The following LRP1B variants were observed in gnomAD, a reference collection of about 807,000 sequenced individuals.
The protein encoded by LRP1B is low-density lipoprotein receptor-related protein 1B.
LRP1B carries 217 observed loss-of-function variants against 556.6 expected under a neutral mutation model. The observed-to-expected ratio is 0.39, with a 90% CI of 0.35 to 0.44. The LOEUF (loss-of-function observed/expected upper bound fraction) is 0.44. Among genes scored for constraint, LRP1B ranks in the 20% least tolerant of loss-of-function variants. The pLI, the probability that LRP1B is intolerant of heterozygous loss-of-function variation, is 1.00. For synonymous variants in LRP1B, 2,047 were observed against 1,865.8 expected (o/e 1.10, Z -2.50); for missense variants, 5,053 against 5,620.8 (o/e 0.90, Z 3.23).
At chr2:140,238,318 ATG>A (rs1680800653) in intron 88 of LRP1B, 22 bp from the exon 89 acceptor site, 6 of 1,320,780 alleles carry the variant, frequency 4.5e-6, no homozygotes, top group South Asian at 1.3e-5. Context: ...AAACATTAAT[ATG>A]TGTGAGTTTT....
At chr2:141,391,263 G>A (rs1233802283) in intron 3 of LRP1B, among the ~76,000 whole-genome samples, 5 of 152,102 alleles carry the variant, frequency 3.3e-5, no homozygotes, top group Non-Finnish European at 5.9e-5. Flanking sequence ...ACCTTCTACA[G>A]TGCCTTACTT....
At chr2:141,729,881 G>A (rs1042652851) in intron 2 of LRP1B, among the ~76,000 whole-genome samples, 6 of 152,050 alleles carry the variant, frequency 3.9e-5, no homozygotes, top group African/African-American at 9.7e-5. Flanking sequence ...CATGGGATCT[G>A]ATAGAGCAAG....
Position 140,536,589 on chromosome 2 carries a change from A to G in LRP1B, c.7634T>C (p.Leu2545Pro), listed in dbSNP as rs1679911169. Residue 2545 changes from leucine (L) to proline (P), a missense_variant, in exon 46 of 91, where the codon CTC becomes CCC. Coordinates refer to ENST00000389484, the MANE Select transcript of LRP1B (RefSeq NM_018557.3). ...HCKDKSDEKL[L>P]YCENRSCRRG... ...CCATATTGGACACTTACCACAGTAG[A>G]GCAGTTTTTCATCTGATTTATCTTT... The G allele has an allele frequency of 1.2e-6, 2 of 1,609,924 alleles. No individual in the cohort carries two copies. Among genetic ancestry groups the G allele is most frequent in the Non-Finnish European group, 1.7e-6 (2 of 1,178,448 alleles).
At chr2:141,488,666 G>T (rs1683207855) in intron 2 of LRP1B, among the ~76,000 whole-genome samples, 1 of 151,848 alleles carries the variant, frequency 6.6e-6, no homozygotes, top group Non-Finnish European at 1.5e-5. Context: ...TCACCATGTT[G>T]CCCAGGCTGG....
At chr2:141,666,091 C>A (rs1047431925) in intron 2 of LRP1B, among the ~76,000 whole-genome samples, 4 of 152,020 alleles carry the variant, frequency 2.6e-5, no homozygotes, top group African/African-American at 9.7e-5. Context: ...ATGTAACAAA[C>A]CTGCACATTC....
At chr2:140,776,991 A>G (rs1689522330) in intron 32 of LRP1B, among the ~76,000 whole-genome samples, 1 of 152,192 alleles carries the variant, frequency 6.6e-6, no homozygotes, top group East Asian at 1.9e-4. Context: ...TAAGTAACTT[A>G]ATCAAATTTA....
At chr2:141,972,878 T>C (rs1574548020) in intron 1 of LRP1B, among the ~76,000 whole-genome samples, 1 of 151,770 alleles carries the variant, frequency 6.6e-6, no homozygotes, top group East Asian at 1.9e-4. Context: ...ACAAGTTGTA[T>C]TTTTTTCTAA....
At chr2:140,866,342 C>T (rs1692950602) in intron 27 of LRP1B, among the ~76,000 whole-genome samples, 1 of 152,016 alleles carries the variant, frequency 6.6e-6, no homozygotes, top group Admixed American at 6.6e-5. Flanking sequence ...ATAATAACTT[C>T]TTGCCTTATT....
chr2:141,626,622 C>T (rs1361439681), intron 2 of LRP1B, among the ~76,000 whole-genome samples: 1 of 152,128 alleles, frequency 6.6e-6, no homozygotes, highest in Admixed American at 6.5e-5. Context: ...AGAAAATGAA[C>T]AACCTGATTC....
chr2:141,789,814 CAA>C (rs1469905091), intron 2 of LRP1B, among the ~76,000 whole-genome samples: 1 of 151,922 alleles, frequency 6.6e-6, no homozygotes, highest in African/African-American at 2.4e-5. Flanking sequence ...TAAATATTTT[CAA>C]AGTTATGCAG....
At chr2:141,629,055 G>T (rs1323251853) in intron 2 of LRP1B, among the ~76,000 whole-genome samples, 1 of 152,110 alleles carries the variant, frequency 6.6e-6, no homozygotes, top group African/African-American at 2.4e-5. Flanking sequence ...AATGTCCAAA[G>T]ATCACACTCC....
At chr2:141,083,610 G>A (rs1009144018) in intron 7 of LRP1B, among the ~76,000 whole-genome samples, 1 of 152,108 alleles carries the variant, frequency 6.6e-6, no homozygotes, top group Non-Finnish European at 1.5e-5. Flanking sequence ...AGAGGTGATT[G>A]GGTCATAAGA....
chr2:142,102,880 ATAAC>A (rs1706618130), intron 1 of LRP1B, among the ~76,000 whole-genome samples: 3 of 151,950 alleles, frequency 2.0e-5, no homozygotes, highest in Admixed American at 2.0e-4. Context: ...GTGGACAAAA[ATAAC>A]TAAGAATAAT....
At chr2:141,743,486 CTTTTTTTTT>C (rs765968445) in intron 2 of LRP1B, among the ~76,000 whole-genome samples, 35,222 of 108,318 alleles carry the variant, frequency 0.33, 5,341 homozygotes, top group Middle Eastern at 0.48. Flanking sequence ...CTGCTTTTTT[CTTTTTTTTT>C]TTTTTCTTTT....
chr2:140,415,622 G>A (rs1318557787), intron 66 of LRP1B, among the ~76,000 whole-genome samples: 3 of 152,132 alleles, frequency 2.0e-5, no homozygotes, highest in Non-Finnish European at 4.4e-5. Flanking sequence ...ATGGGGAAGA[G>A]GTAAATTCTC....
intron 1 of LRP1B, among the ~76,000 whole-genome samples, chr2:141,824,143 A>G (rs1696847491): frequency 6.6e-6 from 1 of 152,146 alleles, no homozygotes; most frequent in Non-Finnish European, 1.5e-5. Flanking sequence ...TAGATTTTGA[A>G]AATAACTTTT....
intron 1 of LRP1B, among the ~76,000 whole-genome samples, chr2:142,126,604 A>G (rs560319167): frequency 5.9e-5 from 9 of 151,996 alleles, no homozygotes; most frequent in African/African-American, 2.2e-4. Flanking sequence ...TTTCCTTTGT[A>G]CAAGAATTGT....
At chr2:140,819,836 G>T (rs1691259130) in intron 31 of LRP1B, among the ~76,000 whole-genome samples, 1 of 152,100 alleles carries the variant, frequency 6.6e-6, no homozygotes, top group Admixed American at 6.5e-5. Context: ...GATACACATT[G>T]TTAGTGGTAA....
At chr2:140,562,112 T>TA (rs1398139818) in intron 43 of LRP1B, among the ~76,000 whole-genome samples, 1 of 152,076 alleles carries the variant, frequency 6.6e-6, no homozygotes, top group African/African-American at 2.4e-5. Flanking sequence ...ATGGACAATC[T>TA]ACAAGCTAAC....
Sources: gnomAD v4.1 joint callset for allele counts (sites outside exome capture counted in the v4.1 genomes callset) on GRCh38, gnomAD v4.1.1 for gene constraint, MANE v1.5 for transcripts, NCBI Gene and HGNC (gene_info 2026-07-23, HGNC 2026-07-21) for gene names.